Variants in EPHA7 observed in about 807,000 individuals in gnomAD.
The protein encoded by EPHA7 is ephrin type-A receptor 7.
A neutral mutation model predicts 112.6 loss-of-function variants in EPHA7; 25 were observed. That is an observed-to-expected ratio of 0.22 (90% CI 0.16 to 0.31). The LOEUF (loss-of-function observed/expected upper bound fraction) is 0.31. Ranked by LOEUF, EPHA7 falls within the 10% of genes least tolerant of loss-of-function variation. The pLI, the probability that EPHA7 is intolerant of heterozygous loss-of-function variation, is 1.00. For missense variants in EPHA7, 962 were observed against 1,212.6 expected, an observed-to-expected ratio of 0.79 and a Z score of 3.07; for synonymous variants, 437 against 406.5, an observed-to-expected ratio of 1.07 and a Z score of -0.90.
chr6:93,397,805 AT>A (rs1262492552), intron 3 of EPHA7, among the ~76,000 whole-genome samples: 2 of 151,936 alleles, frequency 1.3e-5, no homozygotes, highest in African/African-American at 4.8e-5. Flanking sequence ...TTTCTTTCAT[AT>A]TATACACTAC....
At chr6:93,366,498 A>G (rs1034523146) in intron 3 of EPHA7, among the ~76,000 whole-genome samples, 3 of 152,218 alleles carry the variant, frequency 2.0e-5, no homozygotes, top group Non-Finnish European at 2.9e-5. Flanking sequence ...CTGTCTTTAA[A>G]AAATGCATGT....
At chr6:93,306,605 A>G (rs1273359956) in intron 5 of EPHA7, among the ~76,000 whole-genome samples, 2 of 151,976 alleles carry the variant, frequency 1.3e-5, no homozygotes, top group Admixed American at 1.3e-4. Flanking sequence ...ATGTAAAACA[A>G]ATTCCAATGT....
intron 3 of EPHA7, among the ~76,000 whole-genome samples, chr6:93,372,891 A>G (rs1247001054): frequency 6.6e-6 from 1 of 152,068 alleles, no homozygotes; most frequent in East Asian, 1.9e-4. Flanking sequence ...TCATGATTTC[A>G]TTAATTTTTT....
At chr6:93,300,765 G>A (rs1279075862) in intron 5 of EPHA7, among the ~76,000 whole-genome samples, 1 of 152,068 alleles carries the variant, frequency 6.6e-6, no homozygotes, top group Non-Finnish European at 1.5e-5. Context: ...TTGTTCTGTT[G>A]CATGAAACAA....
At chr6:93,289,998 T>G (rs985449331) in intron 5 of EPHA7, among the ~76,000 whole-genome samples, 2 of 152,166 alleles carry the variant, frequency 1.3e-5, no homozygotes, top group Non-Finnish European at 2.9e-5. Flanking sequence ...ATATACACTC[T>G]ATTTTATACA....
In EPHA7 at chr6:93,240,822, T is replaced by C. The variant is rs1437822512; in HGVS notation, c.*2604A>G. On this transcript the variant is annotated 3_prime_UTR_variant, in exon 17 of 17. Transcript: ENST00000369303. ...TCTCATCTCTTTCTGGAAGAGAGTA[T>C]TACAATCAGCATTACAATGTTAATT... is the stretch of plus-strand genomic sequence containing the variant. The C allele has an allele frequency of 4.7e-6, 1 of 211,412 alleles. No individual in the cohort carries two copies. The highest frequency in any genetic ancestry group is 2.3e-5 in the African/African-American group (1 of 44,186). The allele number at this position is 211,412 out of a possible 1,614,324, so 13.1% of individuals were successfully genotyped here. A position where few individuals can be genotyped will look rare whatever the true frequency, so the allele number is the denominator to read the frequency against.
chr6:93,289,280 C>T (rs1341669156), intron 5 of EPHA7, among the ~76,000 whole-genome samples: 1 of 152,026 alleles, frequency 6.6e-6, no homozygotes, highest in Non-Finnish European at 1.5e-5. Context: ...ATTAGTGATA[C>T]CATGTATAGT....
intron 5 of EPHA7, among the ~76,000 whole-genome samples, chr6:93,333,325 G>A (rs1460482836): frequency 5.9e-5 from 9 of 151,782 alleles, no homozygotes; most frequent in Admixed American, 3.3e-4. Flanking sequence ...CTTTGCTACT[G>A]TAAATTGTGC....
intron 9 of EPHA7, among the ~76,000 whole-genome samples, chr6:93,261,298 A>G (rs1770679245): frequency 2.0e-5 from 3 of 151,582 alleles, no homozygotes. Flanking sequence ...CAGTGCTCTA[A>G]AAGCTAGTTA....
intron 3 of EPHA7, among the ~76,000 whole-genome samples, chr6:93,403,629 C>T (rs1778538883): frequency 6.6e-6 from 1 of 150,486 alleles, no homozygotes; most frequent in South Asian, 2.1e-4. Context: ...CCACTGCACT[C>T]CCACCTGGGC....
intron 12 of EPHA7, among the ~76,000 whole-genome samples, 153 bp from the exon 13 acceptor site, chr6:93,256,190 C>G (rs1382316985): frequency 6.6e-6 from 1 of 152,070 alleles, no homozygotes; most frequent in Non-Finnish European, 1.5e-5. Flanking sequence ...AAAAAAATAA[C>G]ATGCTTATTT....
intron 3 of EPHA7, among the ~76,000 whole-genome samples, chr6:93,396,688 A>C (rs552663820): frequency 6.6e-6 from 1 of 151,972 alleles, no homozygotes; most frequent in Non-Finnish European, 1.5e-5. Flanking sequence ...TGCAGTTGTA[A>C]CTCAGCTCTA....
chr6:93,333,886 AT>A (rs1774726104), intron 5 of EPHA7, among the ~76,000 whole-genome samples: 1 of 152,036 alleles, frequency 6.6e-6, no homozygotes, highest in African/African-American at 2.4e-5. Flanking sequence ...CAACTTACAG[AT>A]TCAGTGTTAT....
intron 4 of EPHA7, 74 bp downstream of exon 4, chr6:93,358,182 A>T (rs1184048345): frequency 9.7e-6 from 11 of 1,128,826 alleles, no homozygotes; most frequent in Non-Finnish European, 1.3e-5. Flanking sequence ...TTCAATATCT[A>T]TTTCATTGAT....
chr6:93,333,859 T>C (rs544923318), intron 5 of EPHA7, among the ~76,000 whole-genome samples: 1 of 152,088 alleles, frequency 6.6e-6, no homozygotes, highest in African/African-American at 2.4e-5. Context: ...ATTGTTAAAA[T>C]GGCCATTTGC....
rs138261837 is a variant in EPHA7 at position 93,245,129 on chromosome 6, G to A, written c.2882+169C>T. 5.2e-3 allele frequency among the ~76,000 whole-genome samples: 799 copies of A among 152,286 alleles called. 3 individuals are homozygous for A. Among genetic ancestry groups the A allele is most frequent in the Non-Finnish European group, 8.3e-3 (562 of 68,018 alleles). On this transcript the variant is annotated intron_variant, in intron 16 of 16. Coordinates refer to ENST00000369303, the MANE Select transcript of EPHA7 (RefSeq NM_004440.4). ...GGTTAAAAAGGTAATATGTTTAAAG[G>A]TCTATTTAGTATAATGCCTGGTACG... is the stretch of plus-strand genomic sequence containing the variant.
intron 2 of EPHA7, among the ~76,000 whole-genome samples, chr6:93,413,795 T>G (rs1779093219): frequency 6.6e-6 from 1 of 151,960 alleles, no homozygotes; most frequent in Non-Finnish European, 1.5e-5. Flanking sequence ...GCTGATTTTA[T>G]GATCTCAACA....
chr6:93,332,162 T>A (rs1045697653), intron 5 of EPHA7, among the ~76,000 whole-genome samples: 1 of 151,608 alleles, frequency 6.6e-6, no homozygotes, highest in Non-Finnish European at 1.5e-5. Context: ...TGAAGCTCAA[T>A]TGCTTGTCAG....
chr6:93,298,450 T>G (rs1348884244), intron 5 of EPHA7, among the ~76,000 whole-genome samples: 2 of 152,214 alleles, frequency 1.3e-5, no homozygotes, highest in East Asian at 3.9e-4. Flanking sequence ...CAGAGTAGCA[T>G]ATATAAAATT....
Sources: allele counts gnomAD v4.1 joint callset (sites outside exome capture counted in the v4.1 genomes callset), GRCh38; gene constraint gnomAD v4.1.1; transcripts MANE v1.5; gene names NCBI Gene and HGNC (gene_info 2026-07-23, HGNC 2026-07-21).